Variants in PITPNC1 observed in about 807,000 individuals in gnomAD.
The protein encoded by PITPNC1 is phosphatidylinositol transfer protein cytoplasmic 1, also known as cytoplasmic phosphatidylinositol transfer protein 1.
A neutral mutation model predicts 44.7 loss-of-function variants in PITPNC1; 18 were observed. The ratio of observed to expected loss-of-function variants is 0.40; its 90% confidence interval spans 0.28 to 0.60. The LOEUF (loss-of-function observed/expected upper bound fraction) is 0.60. Ranked by LOEUF, PITPNC1 falls within the 20% of genes least tolerant of loss-of-function variation. The probability of loss-of-function intolerance (pLI) is 0.39; values close to 1 mark genes in which losing one functional copy is unlikely to be tolerated. For missense variants in PITPNC1, 290 were observed against 418.4 expected, an observed-to-expected ratio of 0.69 and a Z score of 2.68; for synonymous variants, 141 against 149.6, an observed-to-expected ratio of 0.94 and a Z score of 0.42.
chr17:67,528,446 A>C (rs1330645900), intron 1 of PITPNC1, among the ~76,000 whole-genome samples: 2 of 152,134 alleles, frequency 1.3e-5, no homozygotes, highest in Middle Eastern at 3.2e-3. Flanking sequence ...ATCATCATCA[A>C]TTCTACGATC....
At chr17:67,429,060 C>T (rs1402435410) in intron 1 of PITPNC1, among the ~76,000 whole-genome samples, 1 of 152,022 alleles carries the variant, frequency 6.6e-6, no homozygotes, top group African/African-American at 2.4e-5. Context: ...AGGCTGGTCT[C>T]GAACTCCCGA....
chr17:67,483,018 C>A (rs919694086), intron 1 of PITPNC1, among the ~76,000 whole-genome samples: 2 of 152,164 alleles, frequency 1.3e-5, no homozygotes, highest in African/African-American at 4.8e-5. Context: ...TAGTCACCCA[C>A]CTTGCTTCCT....
intron 5 of PITPNC1, among the ~76,000 whole-genome samples, chr17:67,619,453 T>A (rs1430878472): frequency 6.6e-6 from 1 of 152,158 alleles, no homozygotes; most frequent in Non-Finnish European, 1.5e-5. Context: ...GGGGCTCTTT[T>A]CTACTTGTGC....
chr17:67,565,882 T>TA (rs1363378267), intron 4 of PITPNC1, among the ~76,000 whole-genome samples: 1 of 152,174 alleles, frequency 6.6e-6, no homozygotes, highest in Non-Finnish European at 1.5e-5. Flanking sequence ...TCGGTGTGTA[T>TA]ACTTGTTTTC....
intron 6 of PITPNC1, 126 bp from the exon 7 acceptor site, chr17:67,669,382 C>A: frequency 1.5e-6 from 1 of 656,204 alleles, no homozygotes; most frequent in Non-Finnish European, 2.5e-6. Context: ...TCCCAAAGTG[C>A]TGGGATTACA....
chr17:67,616,421 A>G (rs1483901342), intron 5 of PITPNC1, among the ~76,000 whole-genome samples: 1 of 152,190 alleles, frequency 6.6e-6, no homozygotes, highest in Non-Finnish European at 1.5e-5. Flanking sequence ...GGTTACAGGC[A>G]TGAGCCACCG....
intron 1 of PITPNC1, among the ~76,000 whole-genome samples, chr17:67,380,118 A>G (rs1447286303): frequency 1.4e-5 from 2 of 144,116 alleles, no homozygotes; most frequent in Admixed American, 7.1e-5. Context: ...TATGTTGCCC[A>G]GGGTGGGGCG....
intron 6 of PITPNC1, among the ~76,000 whole-genome samples, chr17:67,668,817 G>A (rs1192350889): frequency 4.6e-5 from 7 of 151,810 alleles, no homozygotes; most frequent in Admixed American, 1.3e-4. Flanking sequence ...AGCCGAGATC[G>A]CACCACTGCA....
chr17:67,408,091 A>T (rs1434451669), intron 1 of PITPNC1, among the ~76,000 whole-genome samples: 2 of 149,480 alleles, frequency 1.3e-5, no homozygotes, highest in Non-Finnish European at 3.0e-5. Context: ...AGCAGCTGGG[A>T]TTACAGGCAT....
At chr17:67,539,133 C>T (rs1336990312) in intron 2 of PITPNC1, among the ~76,000 whole-genome samples, 1 of 152,084 alleles carries the variant, frequency 6.6e-6, no homozygotes, top group Non-Finnish European at 1.5e-5. Context: ...TTACACACAT[C>T]AGATAGACAA....
intron 1 of PITPNC1, among the ~76,000 whole-genome samples, chr17:67,515,599 A>G (rs969397732): frequency 9.2e-5 from 14 of 152,184 alleles, no homozygotes; most frequent in African/African-American, 3.4e-4. Context: ...TTTCCAACTG[A>G]TAAGAGAGTG....
intron 1 of PITPNC1, among the ~76,000 whole-genome samples, chr17:67,493,558 C>T (rs954580112): frequency 3.0e-4 from 46 of 152,154 alleles, no homozygotes; most frequent in African/African-American, 1.0e-3. Flanking sequence ...GCTGGTACAG[C>T]GGATAAGACT....
chr17:67,391,044 C>A (rs1345150626), intron 1 of PITPNC1, among the ~76,000 whole-genome samples: 2 of 138,122 alleles, frequency 1.4e-5, no homozygotes, highest in Non-Finnish European at 3.1e-5. Context: ...TCAGATTGAT[C>A]TAATGACTTT....
At chr17:67,521,209 A>G (rs2144107488) in intron 1 of PITPNC1, among the ~76,000 whole-genome samples, 1 of 152,302 alleles carries the variant, frequency 6.6e-6, no homozygotes. Context: ...CTCTATTTCT[A>G]TTCAGTTCAG....
chr17:67,640,847 G>A (rs190557525), intron 6 of PITPNC1, among the ~76,000 whole-genome samples: 43 of 151,130 alleles, frequency 2.8e-4, no homozygotes, highest in African/African-American at 9.2e-4. Flanking sequence ...AAAATTAGCC[G>A]GGTGTGGTGG....
intron 1 of PITPNC1, among the ~76,000 whole-genome samples, chr17:67,529,512 C>G (rs1017930508): frequency 6.6e-6 from 1 of 152,220 alleles, no homozygotes; most frequent in Non-Finnish European, 1.5e-5. Flanking sequence ...CAATCAGTGG[C>G]ATCTAGTGCA....
intron 5 of PITPNC1, among the ~76,000 whole-genome samples, chr17:67,584,365 C>T (rs573441041): frequency 6.6e-6 from 1 of 152,260 alleles, no homozygotes; most frequent in South Asian, 2.1e-4. Context: ...AAACATGAAG[C>T]TCTGTCTTTC....
intron 7 of PITPNC1, among the ~76,000 whole-genome samples, chr17:67,674,868 C>T (rs186577536): frequency 3.3e-5 from 5 of 151,986 alleles, no homozygotes; most frequent in Admixed American, 6.6e-5. Context: ...AAAAATTAGC[C>T]GGGCATGGTG....
intron 1 of PITPNC1, among the ~76,000 whole-genome samples, chr17:67,492,742 A>G (rs1334860912): frequency 6.6e-6 from 1 of 152,182 alleles, no homozygotes; most frequent in Admixed American, 6.5e-5. Flanking sequence ...CCATTTGAAC[A>G]TAATAAATGG....
Sources: allele counts gnomAD v4.1 joint callset (sites outside exome capture counted in the v4.1 genomes callset), GRCh38; gene constraint gnomAD v4.1.1; transcripts MANE v1.5; gene names NCBI Gene and HGNC (gene_info 2026-07-23, HGNC 2026-07-21).